ADIPOR2: variants seen among roughly 807,000 people sequenced by gnomAD.
The protein encoded by ADIPOR2 is adiponectin receptor protein 2.
In ADIPOR2, 18 loss-of-function variants were observed where a neutral mutation model predicts 40.9. The observed-to-expected ratio is 0.44, with a 90% CI of 0.30 to 0.65. ADIPOR2 has a LOEUF of 0.65. Among genes scored for constraint, ADIPOR2 ranks in the 30% least tolerant of loss-of-function variants. ADIPOR2 has a pLI of 0.09. For missense variants in ADIPOR2, 283 were observed against 479.2 expected (o/e 0.59, Z 3.82); for synonymous variants, 165 against 166.4 (o/e 0.99, Z 0.06).
At chr12:1,780,163 A>G (rs2154444406) in intron 4 of ADIPOR2, 1 of 266,942 alleles carries the variant, frequency 3.7e-6, no homozygotes, top group East Asian at 7.2e-5. Context: ...TGGCTTCATT[A>G]TATCTTCTAA....
chr12:1,759,208 TG>T (rs1862215708), intron 2 of ADIPOR2, among the ~76,000 whole-genome samples: 1 of 152,234 alleles, frequency 6.6e-6, no homozygotes, highest in Admixed American at 6.5e-5. Flanking sequence ...AACTTTGTAA[TG>T]GGTTTTCTGT....
In ADIPOR2 at chr12:1,783,399, CTT is replaced by C. The variant is rs35800138; in HGVS notation, c.839-465_839-464del. On this transcript the variant is annotated intron_variant, in intron 6 of 7. Transcript: ENST00000357103. ...AAGCCTCTCTTAGTGAGGCTCATTGCTTTTTTTTTTTTTTTTTGAGACGGAGT... is the reference window on the plus strand; with the variant it reads ...AAGCCTCTCTTAGTGAGGCTCATTGCTTTTTTTTTTTTTTTGAGACGGAGT... 5.1e-4 allele frequency among the ~76,000 whole-genome samples: 67 copies of C among 132,488 alleles called. No individual in the cohort carries two copies. The South Asian group carries it at 0.014, about 29-fold the overall frequency. The allele number at this position is 132,488 out of a possible 152,430, so 86.9% of individuals were successfully genotyped here. A position where few individuals can be genotyped will look rare whatever the true frequency, so the allele number is the denominator to read the frequency against.
At chr12:1,760,564 G>C (rs535060855) in intron 2 of ADIPOR2, among the ~76,000 whole-genome samples, 1 of 152,138 alleles carries the variant, frequency 6.6e-6, no homozygotes, top group African/African-American at 2.4e-5. Flanking sequence ...TAAATAAATG[G>C]AAGTGTAAGG....
intron 2 of ADIPOR2, chr12:1,757,495 T>G (rs1862159382): frequency 9.3e-6 from 7 of 751,854 alleles, no homozygotes; most frequent in South Asian, 7.4e-5. Flanking sequence ...AGGTTACCAT[T>G]GTCAAACTTG....
At chr12:1,748,297 G>A (rs974468461) in intron 1 of ADIPOR2, among the ~76,000 whole-genome samples, 1 of 152,074 alleles carries the variant, frequency 6.6e-6, no homozygotes, top group African/African-American at 2.4e-5. Context: ...CGCCCAGGCT[G>A]GAGTGCAGTG....
chr12:1,730,144 T>A lies in ADIPOR2; in HGVS notation c.-86-24114T>A, dbSNP rs556212280. 9.2e-5 allele frequency among the ~76,000 whole-genome samples: 14 copies of A among 152,216 alleles called. 1 individual carries two copies. The South Asian group carries it at 2.9e-3, about 32-fold the overall frequency. ...AAGCTAATTTGGTTAGCTGGGGGAATTCTTAGGCATCTCAAGAGATAATTA... is the reference window on the plus strand; with the variant it reads ...AAGCTAATTTGGTTAGCTGGGGGAAATCTTAGGCATCTCAAGAGATAATTA... On this transcript the variant is annotated intron_variant, in intron 1 of 7. Coordinates refer to ENST00000357103, the MANE Select transcript of ADIPOR2 (RefSeq NM_024551.3).
chr12:1,708,835 T>C (rs2094669307), intron 1 of ADIPOR2, among the ~76,000 whole-genome samples: 1 of 152,036 alleles, frequency 6.6e-6, no homozygotes, highest in Non-Finnish European at 1.5e-5. Flanking sequence ...TTCTCCTGCC[T>C]CAGCCTCCCG....
rs942123735 is a variant in ADIPOR2, at chr12:1,750,159, C to A, written c.-86-4099C>A. ...GAATTTTTAGCATATAGGGCCTATA[C>A]GTATTTTGCTAAGCGTATACTTAAA... On this transcript the variant is annotated intron_variant, in intron 1 of 7. Transcript: ENST00000357103. Among the ~76,000 whole-genome samples the A allele has an allele frequency of 2.6e-5, 4 of 152,054 alleles. No homozygotes were observed. The East Asian group carries it at 7.7e-4, about 29-fold the overall frequency.
chr12:1,694,456 C>T (rs76250924), intron 1 of ADIPOR2, among the ~76,000 whole-genome samples: 2 of 152,138 alleles, frequency 1.3e-5, no homozygotes, highest in Non-Finnish European at 2.9e-5. Flanking sequence ...TACTTTATAT[C>T]ATTTCTAGAT....
intron 1 of ADIPOR2, among the ~76,000 whole-genome samples, chr12:1,708,979 C>T (rs561668949): frequency 6.6e-6 from 1 of 152,260 alleles, no homozygotes; most frequent in Non-Finnish European, 1.5e-5. Context: ...CTATACCTCC[C>T]AAAGTGCTGG....
intron 1 of ADIPOR2, among the ~76,000 whole-genome samples, chr12:1,752,692 G>C (rs1281257448): frequency 2.6e-5 from 4 of 152,038 alleles, no homozygotes; most frequent in Non-Finnish European, 5.9e-5. Context: ...TACCTCAGAA[G>C]GCTATATTTA....
chr12:1,735,467 G>A (rs1353253098), intron 1 of ADIPOR2, among the ~76,000 whole-genome samples: 1 of 152,192 alleles, frequency 6.6e-6, no homozygotes, highest in African/African-American at 2.4e-5. Context: ...CTTTGCTGAA[G>A]TTGCCTATCA....
At chr12:1,757,275 C>A (rs531214463) in intron 2 of ADIPOR2, 108 of 603,452 alleles carry the variant, frequency 1.8e-4, no homozygotes, top group African/African-American at 1.8e-3. Flanking sequence ...TCTTTCTTTT[C>A]AGCAATGGTG....
intron 1 of ADIPOR2, among the ~76,000 whole-genome samples, chr12:1,743,699 A>T (rs1025068788): frequency 6.6e-5 from 10 of 152,182 alleles, no homozygotes; most frequent in East Asian, 3.9e-4. Flanking sequence ...ATACAACTCA[A>T]ATTTCCAGGT....
intron 2 of ADIPOR2, among the ~76,000 whole-genome samples, chr12:1,762,573 A>AT (rs1862292355): frequency 6.6e-6 from 1 of 152,240 alleles, no homozygotes; most frequent in Non-Finnish European, 1.5e-5. Flanking sequence ...GACGTATACT[A>AT]TTTAGATGCT....
At chr12:1,771,415 G>C (rs1200464173) in intron 2 of ADIPOR2, among the ~76,000 whole-genome samples, 1 of 151,984 alleles carries the variant, frequency 6.6e-6, no homozygotes, top group African/African-American at 2.4e-5. Context: ...AGGTCCCGGG[G>C]CTTGTGGGTA....
chr12:1,778,854 T>C (rs898512673), intron 4 of ADIPOR2, among the ~76,000 whole-genome samples: 1 of 152,172 alleles, frequency 6.6e-6, no homozygotes, highest in Non-Finnish European at 1.5e-5. Context: ...TAAAAATGGG[T>C]AAAACATCTG....
Position 1,778,014 on chromosome 12 carries a change from C to T in ADIPOR2, c.452C>T (p.Thr151Ile). 6.2e-7 allele frequency: 1 copy of T among 1,613,646 alleles called. No homozygotes were observed. Among genetic ancestry groups the T allele is most frequent in the Non-Finnish European group, 8.5e-7 (1 of 1,179,778 alleles). Residue 151 changes from threonine to isoleucine, a missense_variant, in exon 4 of 8, where the codon ACA becomes ATA. By Grantham distance (89) the Thr-to-Ile change is moderately conservative. Around this residue, in one of 3 missense-constraint regions of ADIPOR2, gnomAD observed 112 missense variants for 249.5 expected, o/e 0.45. Transcript: ENST00000357103. ...CACACAGAAACAGGCAACATTTGGACACATCTCTTAGGTATGTAATGTCAG... is the reference window on the plus strand; with the variant it reads ...CACACAGAAACAGGCAACATTTGGATACATCTCTTAGGTATGTAATGTCAG... ...RIHTETGNIW[T>I]HLLGCVFFLC...
chr12:1,751,795 C>T (rs2094769752), intron 1 of ADIPOR2, among the ~76,000 whole-genome samples: 1 of 152,200 alleles, frequency 6.6e-6, no homozygotes. Flanking sequence ...GCTGGGATTA[C>T]AGGTGTGAGC....
Sources: allele counts gnomAD v4.1 joint callset (sites outside exome capture counted in the v4.1 genomes callset), GRCh38; gene constraint gnomAD v4.1.1; regional missense constraint gnomAD v4.1.1; transcripts MANE v1.5; gene names NCBI Gene and HGNC (gene_info 2026-07-23, HGNC 2026-07-21).